The following PDE11A variants were observed in gnomAD, a reference collection of about 807,000 sequenced individuals.
PDE11A encodes the protein phosphodiesterase 11A.
Under a neutral mutation model 100.5 loss-of-function variants are expected in PDE11A, and 100 were observed. The ratio of observed to expected loss-of-function variants is 1.00; its 90% CI spans 0.85 to 1.18. The LOEUF is 1.18. Ranked by LOEUF, PDE11A falls within the 50% of genes most tolerant of loss-of-function variation. The pLI is 0.00. For missense variants in PDE11A, 1,141 were observed against 1,152.6 expected (o/e 0.99, Z 0.15); for synonymous variants, 381 against 420.8 (o/e 0.91, Z 1.16).
At chr2:177,967,353 C>A (rs970067941) in intron 2 of PDE11A, among the ~76,000 whole-genome samples, 8 of 151,702 alleles carry the variant, frequency 5.3e-5, no homozygotes, top group African/African-American at 1.9e-4. Flanking sequence ...TGTACCACCA[C>A]ACCCAGCTAA....
chr2:178,061,523 T>A (rs985118444), intron 1 of PDE11A, among the ~76,000 whole-genome samples: 2 of 152,160 alleles, frequency 1.3e-5, no homozygotes, highest in African/African-American at 4.8e-5. Context: ...TCAAACATGA[T>A]CTACCAAGCG....
chr2:177,752,214 A>G (rs148041026), intron 10 of PDE11A, among the ~76,000 whole-genome samples: 51 of 152,308 alleles, frequency 3.3e-4, no homozygotes, highest in African/African-American at 1.1e-3. Context: ...ATTCTCTTCA[A>G]TGTTCTACTC....
intron 10 of PDE11A, among the ~76,000 whole-genome samples, chr2:177,749,940 A>G (rs1238371521): frequency 6.6e-6 from 1 of 152,194 alleles, no homozygotes; most frequent in Non-Finnish European, 1.5e-5. Flanking sequence ...AGGCTCAAAG[A>G]GCTCCCTTCT....
intron 19 of PDE11A, among the ~76,000 whole-genome samples, chr2:177,661,613 G>A (rs556323794): frequency 6.6e-6 from 1 of 152,218 alleles, no homozygotes; most frequent in South Asian, 2.1e-4. Flanking sequence ...TTTCAGTTGA[G>A]GGCTCTTAAA....
intron 5 of PDE11A, among the ~76,000 whole-genome samples, chr2:177,854,876 T>C (rs1026895629): frequency 3.3e-5 from 5 of 152,082 alleles, no homozygotes; most frequent in Admixed American, 6.6e-5. Flanking sequence ...TGCTTGTCAA[T>C]TGACAACATT....
chr2:177,697,958 A>C (rs761623035), intron 14 of PDE11A, among the ~76,000 whole-genome samples: 5 of 152,178 alleles, frequency 3.3e-5, no homozygotes, highest in Non-Finnish European at 7.3e-5. Context: ...AGGTCTAGTG[A>C]CATTTTTGAT....
chr2:177,661,103 T>C (rs1047959565), intron 19 of PDE11A, among the ~76,000 whole-genome samples: 8 of 152,338 alleles, frequency 5.3e-5, no homozygotes, highest in African/African-American at 1.9e-4. Flanking sequence ...ATGAAGGTTC[T>C]TGCCACCCAA....
rs1412119848 is a variant in PDE11A, at chr2:178,108,206, T to G, written c.-14+48A>C. On this transcript the variant is annotated intron_variant, in intron 1 of 20. Coordinates refer to the PDE11A transcript ENST00000358450. Reference sequence around the variant, plus strand: ...ATGAAACACTTTTTAATATTGGCATTAAAAACGGCCAGCGGTTCCTCCCTT... The same window carrying G: ...ATGAAACACTTTTTAATATTGGCATGAAAAACGGCCAGCGGTTCCTCCCTT... The G allele has an allele frequency of 2.0e-5, 3 of 152,388 alleles. No individual in the cohort carries two copies. In the East Asian group the frequency reaches 5.8e-4, roughly 29 times the overall value. The allele number at this position is 152,388 out of a possible 1,614,324, so 9.4% of individuals were successfully genotyped here. A position where few individuals can be genotyped will look rare whatever the true frequency, so the allele number is the denominator to read the frequency against.
chr2:177,679,617 A>G (rs2080830159), intron 16 of PDE11A, among the ~76,000 whole-genome samples: 1 of 152,174 alleles, frequency 6.6e-6, no homozygotes, highest in African/African-American at 2.4e-5. Flanking sequence ...AAAATTATAC[A>G]AAAAGAAAGA....
At chr2:177,751,271 T>G (rs2082022115) in intron 10 of PDE11A, among the ~76,000 whole-genome samples, 1 of 151,306 alleles carries the variant, frequency 6.6e-6, no homozygotes, top group Admixed American at 6.6e-5. Flanking sequence ...CCTATCACAC[T>G]TCCTTCTCCT....
chr2:177,695,038 G>A lies in PDE11A; in HGVS notation c.2345+2294C>T, dbSNP rs1054869326. On this transcript the variant is annotated intron_variant, in intron 15 of 19. Coordinates refer to ENST00000286063, the MANE Select transcript of PDE11A (RefSeq NM_016953.4). ...TTGTTTGGCCTCTGTCTTTCCTATC[G>A]GATGCTGAAAAAATGTTCTGTGATT... is the stretch of plus-strand genomic sequence containing the variant. 1.0e-4 allele frequency among the ~76,000 whole-genome samples: 15 copies of A among 149,648 alleles called. No homozygotes were observed. The South Asian group carries it at 1.9e-3, about 19-fold the overall frequency.
intron 14 of PDE11A, among the ~76,000 whole-genome samples, chr2:177,700,867 T>C (rs1204504874): frequency 6.6e-6 from 1 of 152,186 alleles, no homozygotes; most frequent in Non-Finnish European, 1.5e-5. Flanking sequence ...TCTATATCTG[T>C]TACCCTGCTA....
chr2:177,779,001 T>C (rs374900864), intron 9 of PDE11A, among the ~76,000 whole-genome samples: 5 of 152,178 alleles, frequency 3.3e-5, no homozygotes, highest in African/African-American at 1.2e-4. Flanking sequence ...CTGCCAAACA[T>C]GGGGTAATAA....
At chr2:177,911,999 C>T (rs530667165) in intron 2 of PDE11A, among the ~76,000 whole-genome samples, 8 of 151,966 alleles carry the variant, frequency 5.3e-5, no homozygotes, top group Admixed American at 4.6e-4. Context: ...TCACAAAAGA[C>T]AAGGGAGAAC....
chr2:178,021,739 G>C (rs1683137310), intron 1 of PDE11A, among the ~76,000 whole-genome samples: 2 of 152,188 alleles, frequency 1.3e-5, no homozygotes, highest in South Asian at 4.1e-4. Flanking sequence ...CAAAGAAAGT[G>C]AAGTGTTTAA....
intron 2 of PDE11A, among the ~76,000 whole-genome samples, chr2:177,910,446 A>ATG (rs2084862555): frequency 1.4e-5 from 2 of 146,024 alleles, no homozygotes; most frequent in East Asian, 1.9e-4. Context: ...ATATATATAT[A>ATG]CACACACACA....
chr2:177,686,451 C>T (rs1039495561), intron 15 of PDE11A, among the ~76,000 whole-genome samples: 1 of 152,106 alleles, frequency 6.6e-6, no homozygotes, highest in African/African-American at 2.4e-5. Flanking sequence ...CCTGTAGTCC[C>T]AGCTGCTAGG....
At chr2:177,663,985 C>A (rs781142225) in intron 18 of PDE11A, 36 bp from the exon 19 acceptor site, 2 of 1,272,642 alleles carry the variant, frequency 1.6e-6, no homozygotes, top group African/African-American at 2.9e-5. Context: ...CGCTTTATTA[C>A]ACCAAAGTAT....
At position 177,777,179 on chromosome 2, in the gene PDE11A, A is replaced by G. The variant is rs144060118; in HGVS notation, c.1738-7806T>C. Among the ~76,000 whole-genome samples, 334 of 152,236 alleles carry G rather than the reference A, an allele frequency of 2.2e-3. 1 individual carries two copies. Among genetic ancestry groups the G allele is most frequent in the African/African-American group, 7.8e-3 (326 of 41,542 alleles). On this transcript the variant is annotated intron_variant, in intron 9 of 19. Transcript: ENST00000286063. ...TAGCAGAGTAAGAAGGAACTGATAC[A>G]CACCCTGATTGTGAACTTCTAGCCT...
Sources: gnomAD v4.1 joint callset for allele counts (sites outside exome capture counted in the v4.1 genomes callset) on GRCh38, gnomAD v4.1.1 for gene constraint, MANE v1.5 for transcripts, NCBI Gene and HGNC (gene_info 2026-07-23, HGNC 2026-07-21) for gene names.